Variants in YY1AP1 observed in about 807,000 individuals in gnomAD.
YY1AP1 encodes YY1 associated protein 1.
Under a neutral mutation model 39.9 loss-of-function variants are expected in YY1AP1, and 43 were observed. The observed-to-expected ratio is 1.08, with a 90% CI of 0.84 to 1.39. The LOEUF (loss-of-function observed/expected upper bound fraction) is 1.39, where lower values mean the gene tolerates loss of function less well. Ranked by LOEUF, YY1AP1 falls within the 40% of genes most tolerant of loss-of-function variation. The pLI is 0.00. For missense variants in YY1AP1, 813 were observed against 900.7 expected, an observed-to-expected ratio of 0.90 and a Z score of 1.25; for synonymous variants, 292 against 331.3, an observed-to-expected ratio of 0.88 and a Z score of 1.29.
intron 2 of YY1AP1, 21 bp downstream of exon 2, chr1:155,688,050 G>T (rs184133133): frequency 3.9e-6 from 6 of 1,554,258 alleles, no homozygotes; most frequent in African/African-American, 2.7e-5. Context: ...CCCGAATGCC[G>T]GCCCAAATCG....
Position 155,680,732 on chromosome 1 carries a change from A to G in YY1AP1, c.-20-276T>C, listed in dbSNP as rs1027945298. Among the ~76,000 whole-genome samples the G allele has an allele frequency of 3.3e-5, 5 of 152,054 alleles. No homozygotes were observed. In the East Asian group the frequency reaches 9.6e-4, roughly 29 times the overall value. On this transcript the variant is annotated intron_variant, in intron 2 of 10. Coordinates refer to ENST00000355499, the MANE Select transcript of YY1AP1 (RefSeq NM_139119.3). ...CAGGAGTGTGCTGTCATGCCCGGCT[A>G]ATTCTTCCATATTTTGTAGAGATGG... is the stretch of plus-strand genomic sequence containing the variant.
chr1:155,679,626 A>G (rs1651240691), intron 3 of YY1AP1, 114 bp from the exon 4 acceptor site: 3 of 1,561,190 alleles, frequency 1.9e-6, no homozygotes, highest in Non-Finnish European at 2.6e-6. Flanking sequence ...GCTGGCACCC[A>G]GAAAGAGCCT....
Position 155,688,653 on chromosome 1 carries a change from G to A in YY1AP1, c.-152+6C>T. The A allele has an allele frequency of 5.2e-6, 8 of 1,533,950 alleles. No homozygotes were observed. The South Asian group carries it at 8.4e-5, about 16-fold the overall frequency. On this transcript the variant is annotated splice_donor_region_variant and intron_variant, in intron 1 of 10. Transcript: ENST00000355499. ...AGCCGGCTCCAGCGCAGGCCCTCAC[G>A]CGTACCTTCAGCGGCGCGAGCCCAA... is the stretch of plus-strand genomic sequence containing the variant.
rs1194564699 is a variant in YY1AP1, at chr1:155,660,520, GA to G, written c.1389del (p.Pro464GlnfsTer48). The G allele has an allele frequency of 6.2e-7, 1 of 1,614,072 alleles. No individual in the cohort carries two copies. Among genetic ancestry groups the G allele is most frequent in the Non-Finnish European group, 8.5e-7 (1 of 1,180,040 alleles). ...CTGACCCCCAGTGGAGGGACACCTG[GA>G]ACTGTCTGTAAAACAGTGGCTGGCT... is the stretch of plus-strand genomic sequence containing the variant. ...PIQPATVLQTVPGVPPLGVSG... is the reference protein window; with the variant it reads ...PIQPATVLQTXPGVPPLGVSG... On this transcript the variant is annotated frameshift_variant, in exon 11 of 11. Transcript: ENST00000355499. LOFTEE classifies it low-confidence loss of function (END_TRUNC).
In YY1AP1 at chr1:155,688,655, GTACCT is replaced by G; in HGVS notation, c.-153_-152+3del. ...CCGGCTCCAGCGCAGGCCCTCACGC[GTACCT>G]TCAGCGGCGCGAGCCCAAGCCTTCT... On this transcript the variant is annotated splice_donor_variant and splice_donor_region_variant and 5_prime_UTR_variant and intron_variant, in exon 1 of 11. Transcript: ENST00000355499. LOFTEE classifies it low-confidence loss of function (5UTR_SPLICE). The G allele has an allele frequency of 4.6e-6, 7 of 1,533,710 alleles. No homozygotes were observed. Among genetic ancestry groups the G allele is most frequent in the Non-Finnish European group, 6.1e-6 (7 of 1,146,338 alleles).
rs1463689367 is a variant in YY1AP1, at chr1:155,660,332, C to T, written c.1578G>A (p.Val526=). 1 of 1,614,124 alleles carries T rather than the reference C, an allele frequency of 6.2e-7. No individual in the cohort carries two copies. The highest frequency in any genetic ancestry group is 2.2e-5 in the East Asian group (1 of 44,890). ...PASSMFRKPY[V]RRRPSKRRGA... ...CCCTTCTTTTTGAGGGTCTCCGTCT[C>T]ACATATGGCTTTCGAAACATGGAAG... The change falls in exon 11 of 11, where the codon GTG becomes GTA. Residue 526 remains valine, a synonymous_variant. Transcript: ENST00000355499.
chr1:155,664,232 A>T (rs1023201427), intron 9 of YY1AP1, among the ~76,000 whole-genome samples: 1 of 152,182 alleles, frequency 6.6e-6, no homozygotes, highest in East Asian at 1.9e-4. Flanking sequence ...ATTATTTCCT[A>T]TCTAGAATTC....
At chr1:155,677,844 G>A (rs2149059949) in intron 4 of YY1AP1, among the ~76,000 whole-genome samples, 1 of 152,214 alleles carries the variant, frequency 6.6e-6, no homozygotes, top group East Asian at 1.9e-4. Context: ...GTTTTAACAA[G>A]GATTATTTAG....
chr1:155,687,960 G>GCT (rs1187191051), intron 2 of YY1AP1, 111 bp downstream of exon 2: 10 of 1,241,446 alleles, frequency 8.1e-6, no homozygotes, highest in African/African-American at 1.5e-5. Context: ...CTTCACCACT[G>GCT]CTCTCCCAGA....
At chr1:155,668,982 GC>G (rs1649464416) in intron 8 of YY1AP1, among the ~76,000 whole-genome samples, 1 of 152,164 alleles carries the variant, frequency 6.6e-6, no homozygotes, top group Non-Finnish European at 1.5e-5. Flanking sequence ...TCCAGTCTCA[GC>G]CTCCCAAAGT....
At position 155,659,520 on chromosome 1, in the gene YY1AP1, C is replaced by T; in HGVS notation, c.*137G>A. ...TCCACAGAGTGGGAGCAGGCTAAAG[C>T]AAGCTGCTCAAGAGCCCCAGTTGCA... On this transcript the variant is annotated 3_prime_UTR_variant, in exon 11 of 11. Transcript: ENST00000355499. 4 of 823,208 alleles carry T rather than the reference C, an allele frequency of 4.9e-6. No homozygotes were observed. Among genetic ancestry groups the T allele is most frequent in the South Asian group, 1.7e-5 (1 of 60,258 alleles). 51.0% of individuals were successfully genotyped at this position (823,208 alleles called of 1,614,324 possible).
rs1395767543 is a variant in YY1AP1 at position 155,660,166 on chromosome 1, C to T, written c.1744G>A (p.Ala582Thr). 3 of 1,614,036 alleles carry T rather than the reference C, an allele frequency of 1.9e-6. No homozygotes were observed. The highest frequency in any genetic ancestry group is 2.5e-6 in the Non-Finnish European group (3 of 1,180,044). The change falls in exon 11 of 11, where the codon GCC becomes ACC. Residue 582 changes from alanine to threonine, a missense_variant. Coordinates refer to ENST00000355499, the MANE Select transcript of YY1AP1 (RefSeq NM_139119.3). ...NMIQPVNAAV[A>T]QSPQTIPIAT... ...ATGGGAATAGTCTGGGGACTCTGGG[C>T]CACAGCCGCATTGACAGGCTGGATC... is the stretch of plus-strand genomic sequence containing the variant.
rs773983736 is a variant in YY1AP1, at chr1:155,660,780, T to C, written c.1130A>G (p.Glu377Gly). Residue 377 changes from glutamate to glycine, a missense_variant, in exon 11 of 11, where the codon GAA becomes GGA. Transcript: ENST00000355499. ...AGGCAATAGCAGTGGGTACCGAGTT[T>C]CACTCCCCAACTCTGAGTTGTCTTT... is the stretch of plus-strand genomic sequence containing the variant. ...LEKDNSELGS[E>G]TRYPLLLPKG... 6.2e-7 allele frequency: 1 copy of C among 1,614,226 alleles called. No individual in the cohort carries two copies. Among genetic ancestry groups the C allele is most frequent in the East Asian group, 2.2e-5 (1 of 44,876 alleles).
chr1:155,666,791 G>A (rs544088035), intron 9 of YY1AP1, among the ~76,000 whole-genome samples: 36 of 152,232 alleles, frequency 2.4e-4, no homozygotes, highest in Admixed American at 2.2e-3. Flanking sequence ...CCTGAGATCA[G>A]GAGTTCAAGA....
chr1:155,673,957 C>T (rs1004855442), intron 6 of YY1AP1, among the ~76,000 whole-genome samples: 1 of 151,794 alleles, frequency 6.6e-6, no homozygotes, highest in Non-Finnish European at 1.5e-5. Flanking sequence ...GTCAGGAGAT[C>T]GAGACCATCC....
intron 4 of YY1AP1, 174 bp downstream of exon 4, chr1:155,679,235 T>C (rs1651163952): frequency 6.5e-7 from 1 of 1,531,616 alleles, no homozygotes; most frequent in South Asian, 1.2e-5. Flanking sequence ...ACAGCTGCAC[T>C]GCCCCATAAC....
chr1:155,685,991 G>C (rs1256728202), intron 2 of YY1AP1, among the ~76,000 whole-genome samples: 3 of 142,726 alleles, frequency 2.1e-5, no homozygotes, highest in Admixed American at 2.1e-4. Flanking sequence ...TATTCATAGA[G>C]TTCATAGACG....
chr1:155,680,411 C>T lies in YY1AP1; in HGVS notation c.21+5G>A, dbSNP rs1341618119. The T allele has an allele frequency of 1.9e-6, 3 of 1,613,220 alleles. No individual in the cohort carries two copies. The African/African-American group carries it at 4.0e-5, about 22-fold the overall frequency. ...CCATGTTCTCACTTGAGGATCATTA[C>T]TCACAGTTTCAAACAGATCTTCCAT... On this transcript the variant is annotated splice_donor_5th_base_variant and intron_variant, in intron 3 of 10. Coordinates refer to ENST00000355499, the MANE Select transcript of YY1AP1 (RefSeq NM_139119.3).
intron 9 of YY1AP1, 104 bp downstream of exon 9, chr1:155,668,523 A>C (rs893252175): frequency 6.4e-7 from 1 of 1,574,666 alleles, no homozygotes. Context: ...AGGAGAAATT[A>C]GCTTTAGATA....
Sources: gnomAD v4.1 joint callset for allele counts (sites outside exome capture counted in the v4.1 genomes callset) on GRCh38, gnomAD v4.1.1 for gene constraint, MANE v1.5 for transcripts, NCBI Gene and HGNC (gene_info 2026-07-23, HGNC 2026-07-21) for gene names.